CDH13: variants seen among roughly 807,000 people sequenced by gnomAD.
CDH13 encodes cadherin 13.
CDH13 carries 24 observed loss-of-function variants against 63.8 expected under a neutral mutation model. The observed-to-expected ratio is 0.38, with a 90% confidence interval of 0.27 to 0.53. The LOEUF is 0.53. Among genes scored for constraint, CDH13 ranks in the 20% least tolerant of loss-of-function variants. The pLI is 0.85. For synonymous variants in CDH13, 503 were observed against 355.3 expected, an observed-to-expected ratio of 1.42 and a Z score of -4.67; for missense variants, 1,049 against 903.1, an observed-to-expected ratio of 1.16 and a Z score of -2.07.
chr16:83,124,604 T>C (rs1354484988), intron 3 of CDH13, among the ~76,000 whole-genome samples: 2 of 150,444 alleles, frequency 1.3e-5, no homozygotes, highest in African/African-American at 4.9e-5. Context: ...TCTGGAAGAG[T>C]TTTTCCTAGG....
At chr16:83,200,719 T>C (rs2039002004) in intron 4 of CDH13, among the ~76,000 whole-genome samples, 1 of 152,174 alleles carries the variant, frequency 6.6e-6, no homozygotes, top group Non-Finnish European at 1.5e-5. Context: ...GATGGTGCAG[T>C]TTCCGAAAAA....
At chr16:83,215,327 C>T (rs942018736) in intron 4 of CDH13, among the ~76,000 whole-genome samples, 2 of 151,874 alleles carry the variant, frequency 1.3e-5, no homozygotes, top group Admixed American at 1.3e-4. Flanking sequence ...GATCCGCCCA[C>T]CTTGGCCTCT....
At chr16:83,656,132 C>A (rs1363926525) in intron 8 of CDH13, among the ~76,000 whole-genome samples, 4 of 152,242 alleles carry the variant, frequency 2.6e-5, no homozygotes, top group African/African-American at 9.6e-5. Flanking sequence ...AGTCTGTTTT[C>A]TGTCTGTCTG....
intron 8 of CDH13, among the ~76,000 whole-genome samples, chr16:83,643,739 G>C (rs893365277): frequency 1.3e-5 from 2 of 152,100 alleles, no homozygotes; most frequent in Non-Finnish European, 1.5e-5. Context: ...ACTCAGTCCA[G>C]GTTTCCTACC....
intron 7 of CDH13, among the ~76,000 whole-genome samples, chr16:83,519,980 C>T (rs1052895348): frequency 6.6e-6 from 1 of 151,986 alleles, no homozygotes; most frequent in African/African-American, 2.4e-5. Context: ...CAAATCATAG[C>T]AAATAAAGAT....
chr16:83,216,443 T>TAAAAATATATATATATATAC (rs1472700247), intron 4 of CDH13, among the ~76,000 whole-genome samples: 2 of 93,420 alleles, frequency 2.1e-5, no homozygotes, highest in African/African-American at 7.9e-5. Flanking sequence ...TATATATATA[T>TAAAAATATATATATATATAC]ACACAACCCT....
At chr16:82,883,646 A>G (rs529589470) in intron 2 of CDH13, among the ~76,000 whole-genome samples, 2 of 152,296 alleles carry the variant, frequency 1.3e-5, no homozygotes, top group South Asian at 4.1e-4. Flanking sequence ...CCTCATCTCT[A>G]CGAGGGAGTC....
At chr16:83,235,586 T>TTTG (rs1555517051) in intron 5 of CDH13, among the ~76,000 whole-genome samples, 1 of 149,810 alleles carries the variant, frequency 6.7e-6, no homozygotes, top group African/African-American at 2.4e-5. Context: ...GGTGGTGTTT[T>TTTG]TTTTTTTTTT....
intron 2 of CDH13, among the ~76,000 whole-genome samples, chr16:82,905,012 G>T (rs2151251698): frequency 6.6e-6 from 1 of 152,094 alleles, no homozygotes; most frequent in South Asian, 2.1e-4. Context: ...AATTCTAGAG[G>T]CTCTGACTCT....
intron 5 of CDH13, among the ~76,000 whole-genome samples, chr16:83,278,708 G>A (rs2089069569): frequency 6.6e-6 from 1 of 152,208 alleles, no homozygotes; most frequent in Non-Finnish European, 1.5e-5. Context: ...TGTCAGCAGA[G>A]AAGAGAAGGA....
At chr16:82,965,771 G>A (rs1368360699) in intron 2 of CDH13, among the ~76,000 whole-genome samples, 4 of 152,192 alleles carry the variant, frequency 2.6e-5, no homozygotes, top group African/African-American at 9.7e-5. Flanking sequence ...GGGATTACAG[G>A]CATGAGCCAC....
intron 2 of CDH13, among the ~76,000 whole-genome samples, chr16:82,904,672 C>G (rs1365501819): frequency 6.6e-6 from 1 of 152,140 alleles, no homozygotes; most frequent in Non-Finnish European, 1.5e-5. Flanking sequence ...AGTCTTTCCC[C>G]TGGAGTTCTA....
At chr16:82,973,558 A>T (rs953977709) in intron 2 of CDH13, among the ~76,000 whole-genome samples, 1 of 152,214 alleles carries the variant, frequency 6.6e-6, no homozygotes, top group African/African-American at 2.4e-5. Flanking sequence ...CAAGGCGCTC[A>T]CGGTAAAGCT....
chr16:83,458,364 C>G (rs1161710178), intron 6 of CDH13, among the ~76,000 whole-genome samples: 1 of 152,216 alleles, frequency 6.6e-6, no homozygotes, highest in African/African-American at 2.4e-5. Flanking sequence ...AATGAGCCTT[C>G]CACCTCTCCT....
intron 5 of CDH13, among the ~76,000 whole-genome samples, chr16:83,277,906 A>T: frequency 6.6e-6 from 1 of 152,328 alleles, no homozygotes. Context: ...CTATTGGGCA[A>T]CAAACTAAAT....
intron 6 of CDH13, among the ~76,000 whole-genome samples, chr16:83,381,665 G>A (rs1335020917): frequency 1.3e-5 from 2 of 151,294 alleles, no homozygotes; most frequent in African/African-American, 2.4e-5. Flanking sequence ...CCCACCACTT[G>A]TCTATCTGAG....
chr16:83,242,488 T>C (rs1904562957), intron 5 of CDH13, among the ~76,000 whole-genome samples: 1 of 152,212 alleles, frequency 6.6e-6, no homozygotes, highest in South Asian at 2.1e-4. Context: ...AGGCCAAGTT[T>C]TTCTAAATCA....
intron 1 of CDH13, among the ~76,000 whole-genome samples, chr16:82,786,040 C>T (rs964238120): frequency 1.3e-5 from 2 of 152,090 alleles, no homozygotes; most frequent in Non-Finnish European, 2.9e-5. Flanking sequence ...GGAGTGAGTG[C>T]TTTGGCAGGA....
chr16:83,254,281 C>G (rs1181222496), intron 5 of CDH13, among the ~76,000 whole-genome samples: 3 of 152,206 alleles, frequency 2.0e-5, no homozygotes, highest in East Asian at 1.9e-4. Context: ...TAGCTCACTG[C>G]TTAGCATCAT....
Sources: gnomAD v4.1 joint callset for allele counts (sites outside exome capture counted in the v4.1 genomes callset) on GRCh38, gnomAD v4.1.1 for gene constraint, MANE v1.5 for transcripts, NCBI Gene and HGNC (gene_info 2026-07-23, HGNC 2026-07-21) for gene names.